NPEPPS: variants seen among roughly 807,000 people sequenced by gnomAD.
NPEPPS encodes the protein aminopeptidase puromycin sensitive.
In NPEPPS, 14 loss-of-function variants were observed where a neutral mutation model predicts 115.5. The observed-to-expected ratio is 0.12, with a 90% confidence interval of 0.08 to 0.19. The LOEUF is 0.19. Among genes scored for constraint, NPEPPS ranks in the 10% least tolerant of loss-of-function variants. NPEPPS has a pLI of 1.00. For missense variants in NPEPPS, 523 were observed against 1,110.8 expected (o/e 0.47, Z 7.52); for synonymous variants, 285 against 390.6 (o/e 0.73, Z 3.19).
At chr17:47,594,412 C>CTTT (rs112592322) in intron 12 of NPEPPS, among the ~76,000 whole-genome samples, 2 of 127,984 alleles carry the variant, frequency 1.6e-5, no homozygotes, top group Non-Finnish European at 1.7e-5. Context: ...CTTTTCAATT[C>CTTT]TTTTTTTTTT....
rs1304899156 is a variant in NPEPPS at position 47,622,497 on chromosome 17, G to A, written c.*577G>A. The A allele has an allele frequency of 4.4e-6, 1 of 225,562 alleles. No individual in the cohort carries two copies. The highest frequency in any genetic ancestry group is 8.6e-6 in the Non-Finnish European group (1 of 116,032). 14.0% of individuals were successfully genotyped at this position (225,562 alleles called of 1,614,324 possible). On this transcript the variant is annotated 3_prime_UTR_variant, in exon 23 of 23. Coordinates refer to ENST00000322157, the MANE Select transcript of NPEPPS (RefSeq NM_006310.4). ...CATAACTCAATCTGAACCAAGGATT[G>A]TAGTTTAGTTTTCCTCCTTGCCTTC...
At position 47,618,457 on chromosome 17, in the gene NPEPPS, A is replaced by G. The variant is rs780036449; in HGVS notation, c.2403A>G (p.Ser801=). The G allele has an allele frequency of 3.7e-6, 6 of 1,602,290 alleles. No homozygotes were observed. Among genetic ancestry groups the G allele is most frequent in the Non-Finnish European group, 2.6e-6 (3 of 1,169,462 alleles). The change falls in exon 20 of 23, where the codon TCA becomes TCG. Residue 801 remains serine (S), a splice_region_variant and synonymous_variant. Coordinates refer to ENST00000322157, the MANE Select transcript of NPEPPS (RefSeq NM_006310.4). ...LIQKVLTFAL[S]EEVRPQDTVS... ...AAAAAGTCCTCACGTTTGCACTTTCAGTAAGTTACGGTGAAAACTGCATTT... is the reference window on the plus strand; with the variant it reads ...AAAAAGTCCTCACGTTTGCACTTTCGGTAAGTTACGGTGAAAACTGCATTT...
intron 18 of NPEPPS, among the ~76,000 whole-genome samples, chr17:47,613,170 T>G (rs1449593080): frequency 6.6e-6 from 1 of 152,078 alleles, no homozygotes; most frequent in Non-Finnish European, 1.5e-5. Context: ...GCTCTGCTGG[T>G]ACAACATGCC....
chr17:47,526,605 G>A (rs1229045769), upstream of NPEPPS, among the ~76,000 whole-genome samples: 2 of 152,220 alleles, frequency 1.3e-5, no homozygotes, highest in Non-Finnish European at 2.9e-5. Flanking sequence ...TGCTTTAACA[G>A]ACATAATGAA....
chr17:47,578,218 G>A (rs77291335), intron 3 of NPEPPS, among the ~76,000 whole-genome samples: 23 of 56,170 alleles, frequency 4.1e-4, no homozygotes, highest in East Asian at 2.0e-3. Flanking sequence ...AAAAAAAAAA[G>A]AGAGAAAGTC....
upstream of NPEPPS, among the ~76,000 whole-genome samples, chr17:47,526,115 G>A (rs776768483): frequency 4.5e-4 from 69 of 152,316 alleles, no homozygotes; most frequent in Non-Finnish European, 8.8e-4. Context: ...AGGAGGCTGA[G>A]GCAGGAGAAT....
intron 2 of NPEPPS, among the ~76,000 whole-genome samples, chr17:47,550,711 C>T (rs1157851370): frequency 6.6e-6 from 1 of 150,694 alleles, no homozygotes; most frequent in Non-Finnish European, 1.5e-5. Context: ...ACTGCAACCT[C>T]TGCCTCCCAG....
chr17:47,549,640 C>T (rs1427634843), intron 2 of NPEPPS, among the ~76,000 whole-genome samples: 1 of 150,274 alleles, frequency 6.7e-6, no homozygotes, highest in African/African-American at 2.4e-5. Context: ...ATTAGCTGGG[C>T]GTGGTGGCAG....
intron 1 of NPEPPS, among the ~76,000 whole-genome samples, chr17:47,543,291 C>G (rs1041839052): frequency 1.3e-5 from 2 of 150,558 alleles, no homozygotes; most frequent in Non-Finnish European, 2.9e-5. Flanking sequence ...TCTGATTAAA[C>G]CAATGGACTA....
rs1402085575 is a variant in NPEPPS, at chr17:47,565,469, G to T, written c.341-3948G>T. On this transcript the variant is annotated intron_variant, in intron 2 of 22. Transcript: ENST00000322157. ...TGCAGTGAGTTGAGATCATGCCACT[G>T]CATGCCAGCCTGGGCGACAGAGCAA... 5.1e-5 allele frequency among the ~76,000 whole-genome samples: 7 copies of T among 138,104 alleles called. No homozygotes were observed. In the Admixed American group the frequency reaches 5.6e-4, roughly 11 times the overall value. 90.6% of individuals were successfully genotyped at this position (138,104 alleles called of 152,430 possible).
chr17:47,602,649 A>G (rs1913281678), intron 15 of NPEPPS, among the ~76,000 whole-genome samples: 1 of 151,528 alleles, frequency 6.6e-6, no homozygotes, highest in South Asian at 2.1e-4. Context: ...AAAAAAAAAA[A>G]AAAAAAAGCC....
intron 17 of NPEPPS, among the ~76,000 whole-genome samples, chr17:47,611,233 G>A (rs1379909210): frequency 2.0e-5 from 3 of 151,908 alleles, no homozygotes; most frequent in African/African-American, 7.2e-5. Flanking sequence ...GCCGAGGCAG[G>A]TGGATCACCT....
intron 14 of NPEPPS, among the ~76,000 whole-genome samples, chr17:47,601,026 C>A (rs944295076): frequency 4.0e-5 from 6 of 151,862 alleles, no homozygotes; most frequent in Non-Finnish European, 5.9e-5. Flanking sequence ...AGTTTGAGAC[C>A]AGCCTGGCCA....
At chr17:47,546,825 C>A (rs1909251726) in intron 2 of NPEPPS, among the ~76,000 whole-genome samples, 1 of 152,112 alleles carries the variant, frequency 6.6e-6, no homozygotes. Flanking sequence ...TGAGCCACCA[C>A]ACCCGGCCAA....
At chr17:47,592,684 C>G (rs1416449720) in intron 12 of NPEPPS, 139 bp downstream of exon 12, 1 of 713,648 alleles carries the variant, frequency 1.4e-6, no homozygotes, top group African/African-American at 1.8e-5. Context: ...AAGCTGTGTT[C>G]AGGTTGAATA....
At chr17:47,583,683 G>A (rs1912021668) in intron 5 of NPEPPS, among the ~76,000 whole-genome samples, 1 of 152,118 alleles carries the variant, frequency 6.6e-6, no homozygotes, top group African/African-American at 2.4e-5. Flanking sequence ...GGGAGGCTAA[G>A]GCAGGAGGAT....
chr17:47,541,351 T>A (rs1406370450), intron 1 of NPEPPS, among the ~76,000 whole-genome samples: 1 of 152,104 alleles, frequency 6.6e-6, no homozygotes, highest in African/African-American at 2.4e-5. Context: ...CATACCCCAG[T>A]AAGTGCTTCA....
chr17:47,623,014 A>G lies in NPEPPS; in HGVS notation c.*1094A>G, dbSNP rs1914686101. The G allele has an allele frequency of 5.1e-6, 2 of 389,060 alleles. No individual in the cohort carries two copies. Among genetic ancestry groups the G allele is most frequent in the South Asian group, 3.4e-5 (2 of 58,722 alleles). 24.1% of individuals were successfully genotyped at this position (389,060 alleles called of 1,614,324 possible). A position where few individuals can be genotyped will look rare whatever the true frequency, so the allele number is the denominator to read the frequency against. On this transcript the variant is annotated 3_prime_UTR_variant, in exon 23 of 23. Transcript: ENST00000322157. ...GTGTGCCACTGTTTGCTTCAACAGT[A>G]TATCCTAATAAGCCTCACCTATTTA...
intron 1 of NPEPPS, among the ~76,000 whole-genome samples, chr17:47,533,598 AAG>A (rs1233184617): frequency 2.0e-5 from 3 of 152,168 alleles, no homozygotes; most frequent in Non-Finnish European, 4.4e-5. Context: ...GTCTAGAAAA[AAG>A]TACAGATTTT....
Sources: gnomAD v4.1 joint callset for allele counts (sites outside exome capture counted in the v4.1 genomes callset) on GRCh38, gnomAD v4.1.1 for gene constraint, MANE v1.5 for transcripts, NCBI Gene and HGNC (gene_info 2026-07-23, HGNC 2026-07-21) for gene names.